SIK3: variants seen among roughly 807,000 people sequenced by gnomAD.
SIK3 encodes serine/threonine-protein kinase SIK3.
Under a neutral mutation model 144.2 loss-of-function variants are expected in SIK3, and 28 were observed. The observed-to-expected ratio is 0.19, with a 90% CI of 0.14 to 0.27. The LOEUF (loss-of-function observed/expected upper bound fraction) is 0.27. Among genes scored for constraint, SIK3 ranks in the 10% least tolerant of loss-of-function variants. The probability of loss-of-function intolerance (pLI) is 1.00; values close to 1 mark genes in which losing one functional copy is unlikely to be tolerated. For missense variants in SIK3, 1,319 were observed against 1,776.0 expected (o/e 0.74, Z 4.62); for synonymous variants, 686 against 676.3 (o/e 1.01, Z -0.22).
At chr11:116,925,500 C>A (rs564431006) in intron 4 of SIK3, among the ~76,000 whole-genome samples, 1 of 152,266 alleles carries the variant, frequency 6.6e-6, no homozygotes, top group East Asian at 1.9e-4. Flanking sequence ...GAGGAACAGC[C>A]CTTGCTGCTG....
At chr11:117,084,381 C>A (rs1954917874) in intron 1 of SIK3, among the ~76,000 whole-genome samples, 1 of 152,142 alleles carries the variant, frequency 6.6e-6, no homozygotes, top group African/African-American at 2.4e-5. Context: ...TCTCCTGCCT[C>A]AGACCTCTCG....
At chr11:117,097,496 C>A (rs916693863) in intron 1 of SIK3, among the ~76,000 whole-genome samples, 2 of 150,834 alleles carry the variant, frequency 1.3e-5, no homozygotes, top group African/African-American at 4.9e-5. Context: ...AGCAATTTCC[C>A]CCTTATTTCC....
chr11:116,877,744 G>T (rs547038474), intron 6 of SIK3, among the ~76,000 whole-genome samples: 1 of 136,418 alleles, frequency 7.3e-6, no homozygotes, highest in Admixed American at 7.5e-5. Flanking sequence ...ATCAAGAAAC[G>T]TATATTCTGA....
intron 4 of SIK3, among the ~76,000 whole-genome samples, chr11:116,921,818 A>C (rs981560658): frequency 2.6e-5 from 4 of 152,258 alleles, no homozygotes; most frequent in Non-Finnish European, 5.9e-5. Flanking sequence ...GAAAGAAAAC[A>C]AAGTTATTCA....
At chr11:116,987,337 A>C (rs930416702) in intron 1 of SIK3, among the ~76,000 whole-genome samples, 9 of 149,098 alleles carry the variant, frequency 6.0e-5, no homozygotes, top group South Asian at 4.2e-4. Flanking sequence ...AAAAAAAAAA[A>C]ACACAGAGAG....
chr11:116,937,858 C>T (rs1414254134), intron 3 of SIK3, among the ~76,000 whole-genome samples: 1 of 152,116 alleles, frequency 6.6e-6, no homozygotes. Context: ...GTAGCACTAA[C>T]GAGCATCCCT....
intron 3 of SIK3, among the ~76,000 whole-genome samples, chr11:116,941,441 C>G (rs780222650): frequency 3.5e-4 from 51 of 145,766 alleles, no homozygotes; most frequent in Non-Finnish European, 4.9e-4. Context: ...CAAACCAGTA[C>G]ATAGTAGTGT....
intron 4 of SIK3, among the ~76,000 whole-genome samples, chr11:116,915,607 T>C (rs1946591931): frequency 6.6e-6 from 1 of 152,194 alleles, no homozygotes; most frequent in Non-Finnish European, 1.5e-5. Flanking sequence ...AAAAAATGTA[T>C]ATACATGTGG....
chr11:117,076,634 C>A (rs1241028087), intron 1 of SIK3, among the ~76,000 whole-genome samples: 1 of 151,942 alleles, frequency 6.6e-6, no homozygotes, highest in African/African-American at 2.4e-5. Flanking sequence ...TCAAGCAATT[C>A]TCTGCCTCAG....
intron 1 of SIK3, among the ~76,000 whole-genome samples, chr11:117,084,846 T>C (rs1220814828): frequency 1.3e-5 from 2 of 152,200 alleles, no homozygotes; most frequent in African/African-American, 4.8e-5. Flanking sequence ...ATTAAATTCA[T>C]GTTCTGCTTT....
intron 1 of SIK3, among the ~76,000 whole-genome samples, chr11:116,971,840 G>A (rs1483788927): frequency 1.3e-5 from 2 of 152,070 alleles, no homozygotes; most frequent in African/African-American, 2.4e-5. Flanking sequence ...TGTAATCCCA[G>A]CACTTTGGGA....
chr11:116,875,375 T>G lies in SIK3; in HGVS notation c.1316A>C (p.Glu439Ala). ...CAGCTCCCACAGGTTGCTACTTGCC[T>G]CCACAATTTGGTTCTCTGGGTTGAT... Reference protein sequence around the residue: ...QLINPENQIVEPDGTLNLDSD... With the variant: ...QLINPENQIVAPDGTLNLDSD... Residue 439 changes from glutamate (E) to alanine (A), a missense_variant and splice_region_variant, in exon 10 of 25, where the codon GAG becomes GCG. Transcript: ENST00000445177. 6.2e-7 allele frequency: 1 copy of G among 1,614,190 alleles called. No individual in the cohort carries two copies. The highest frequency in any genetic ancestry group is 8.5e-7 in the Non-Finnish European group (1 of 1,180,020).
At chr11:117,019,675 G>A (rs981382858) in intron 1 of SIK3, among the ~76,000 whole-genome samples, 65 of 151,350 alleles carry the variant, frequency 4.3e-4, no homozygotes, top group Non-Finnish European at 8.3e-4. Flanking sequence ...ATGCAGTGGC[G>A]TGATCTTGAC....
chr11:117,013,972 CTTTTTTT>C (rs71037442), intron 1 of SIK3, among the ~76,000 whole-genome samples: 2 of 27,058 alleles, frequency 7.4e-5, no homozygotes, highest in African/African-American at 2.2e-4. Flanking sequence ...TTTTTCTTTT[CTTTTTTT>C]TTTTTTTTTT....
intron 3 of SIK3, among the ~76,000 whole-genome samples, chr11:116,938,286 A>G (rs1347511209): frequency 1.1e-5 from 1 of 92,398 alleles, no homozygotes; most frequent in African/African-American, 4.9e-5. Flanking sequence ...AGAGGAGAGG[A>G]GAGGAGAGGA....
chr11:116,896,466 T>C, intron 5 of SIK3, 90 bp from the exon 6 acceptor site: 2 of 1,393,958 alleles, frequency 1.4e-6, no homozygotes, highest in South Asian at 1.3e-5. Flanking sequence ...TGATGGTGAG[T>C]CATGCATACG....
chr11:116,927,019 G>GAAA (rs34416738), intron 4 of SIK3, among the ~76,000 whole-genome samples, 200 bp downstream of exon 4: 2 of 110,766 alleles, frequency 1.8e-5, no homozygotes, highest in Non-Finnish European at 1.9e-5. Context: ...ACTCAGTCTC[G>GAAA]AAAAAAAAAA....
At chr11:117,036,439 T>TA (rs1328919662) in intron 1 of SIK3, among the ~76,000 whole-genome samples, 1 of 152,186 alleles carries the variant, frequency 6.6e-6, no homozygotes, top group Non-Finnish European at 1.5e-5. Context: ...AAAGAAGCCT[T>TA]AAAATCCAAG....
chr11:116,980,328 A>G (rs1357277610), intron 1 of SIK3, among the ~76,000 whole-genome samples: 1 of 152,134 alleles, frequency 6.6e-6, no homozygotes, highest in Non-Finnish European at 1.5e-5. Context: ...GGTTCGGTAA[A>G]GCCCCTTCCT....
Sources: allele counts gnomAD v4.1 joint callset (sites outside exome capture counted in the v4.1 genomes callset), GRCh38; gene constraint gnomAD v4.1.1; transcripts MANE v1.5; gene names NCBI Gene and HGNC (gene_info 2026-07-23, HGNC 2026-07-21).